Variants in TBXAS1 observed in about 807,000 individuals in gnomAD.
TBXAS1 encodes the protein thromboxane A synthase 1.
A neutral mutation model predicts 60.7 loss-of-function variants in TBXAS1; 48 were observed. That is an observed-to-expected ratio of 0.79 (90% confidence interval 0.63 to 1.01). The LOEUF (loss-of-function observed/expected upper bound fraction) is 1.01. Ranked by LOEUF, TBXAS1 falls within the 50% of genes least tolerant of loss-of-function variation. TBXAS1 has a pLI of 0.00. For missense variants in TBXAS1, 685 were observed against 686.3 expected (o/e 1.00, Z 0.02); for synonymous variants, 287 against 269.7 (o/e 1.06, Z -0.63).
chr7:139,821,213 A>G lies in TBXAS1; in HGVS notation c.-79-8099A>G, dbSNP rs531166128. ...AAGGTACAATTTACTGAGACGGGGG[A>G]GATGGGATGAGGTTAATGGAGAAAG... On this transcript the variant is annotated intron_variant, in intron 4 of 16. Coordinates refer to the TBXAS1 transcript ENST00000336425. Among the ~76,000 whole-genome samples, 298 of 152,024 alleles carry G rather than the reference A, an allele frequency of 2.0e-3. 1 individual carries two copies. Among genetic ancestry groups the G allele is most frequent in the South Asian group, 0.011 (55 of 4,808 alleles).
chr7:139,970,264 G>A (rs1389588858), intron 9 of TBXAS1, among the ~76,000 whole-genome samples: 1 of 152,188 alleles, frequency 6.6e-6, no homozygotes, highest in African/African-American at 2.4e-5. Flanking sequence ...ACGCCACCAT[G>A]CCCAGCTAAT....
chr7:139,790,139 G>A (rs1390795462), intron 4 of TBXAS1, among the ~76,000 whole-genome samples: 2 of 151,990 alleles, frequency 1.3e-5, no homozygotes, highest in Admixed American at 6.6e-5. Context: ...TTTATCACAC[G>A]TACCTGTGAC....
intron 4 of TBXAS1, among the ~76,000 whole-genome samples, chr7:139,789,821 C>T (rs952447580): frequency 1.3e-4 from 19 of 151,560 alleles, no homozygotes; most frequent in South Asian, 2.1e-4. Context: ...ACTAGGGATG[C>T]GGTTTTGCCA....
chr7:139,983,011 T>C (rs1343445456), intron 9 of TBXAS1, among the ~76,000 whole-genome samples: 1 of 152,226 alleles, frequency 6.6e-6, no homozygotes, highest in East Asian at 1.9e-4. Flanking sequence ...GGATCCACAT[T>C]TACTTGTTTT....
intron 9 of TBXAS1, among the ~76,000 whole-genome samples, chr7:139,976,150 C>T (rs1569521490): frequency 6.6e-6 from 1 of 152,212 alleles, no homozygotes; most frequent in Non-Finnish European, 1.5e-5. Context: ...TGATTGCCCC[C>T]GGCCTCCCCT....
chr7:139,854,589 C>G (rs74435536), intron 1 of TBXAS1, among the ~76,000 whole-genome samples: 1 of 152,086 alleles, frequency 6.6e-6, no homozygotes, highest in South Asian at 2.1e-4. Context: ...GGAGAGACGA[C>G]GACCTGATAT....
At chr7:139,867,823 AAAT>A (rs1414234768) in intron 1 of TBXAS1, among the ~76,000 whole-genome samples, 1 of 139,860 alleles carries the variant, frequency 7.2e-6, no homozygotes, top group African/African-American at 2.8e-5. Flanking sequence ...CCTCGAAAAT[AAAT>A]AATAAATAAA....
At chr7:139,893,325 G>GACAC (rs71170920) in intron 3 of TBXAS1, among the ~76,000 whole-genome samples, 14,247 of 139,758 alleles carry the variant, frequency 0.1, 764 homozygotes, top group African/African-American at 0.15. Context: ...CTATGGAATA[G>GACAC]ACACACACAC....
chr7:139,914,874 C>G (rs967920552), intron 4 of TBXAS1, among the ~76,000 whole-genome samples: 3 of 152,170 alleles, frequency 2.0e-5, no homozygotes, highest in Admixed American at 2.0e-4. Flanking sequence ...AACCCCATGA[C>G]ATAAACACAT....
At chr7:139,988,057 C>T (rs1433745184) in intron 9 of TBXAS1, among the ~76,000 whole-genome samples, 1 of 152,250 alleles carries the variant, frequency 6.6e-6, no homozygotes, top group African/African-American at 2.4e-5. Flanking sequence ...GCAGACATTG[C>T]AGTCCAGCCC....
chr7:140,014,601 C>G (rs561055140), intron 10 of TBXAS1, among the ~76,000 whole-genome samples: 13 of 152,088 alleles, frequency 8.5e-5, no homozygotes, highest in Admixed American at 3.9e-4. Flanking sequence ...GACACACACA[C>G]AGAGAATGGT....
chr7:139,987,669 G>GT (rs1253055960), intron 9 of TBXAS1, among the ~76,000 whole-genome samples: 1 of 152,182 alleles, frequency 6.6e-6, no homozygotes, highest in Non-Finnish European at 1.5e-5. Context: ...GATAAATCAT[G>GT]TTTAATTCTA....
At chr7:139,795,403 T>G (rs1585517060) in intron 4 of TBXAS1, among the ~76,000 whole-genome samples, 3 of 84,854 alleles carry the variant, frequency 3.5e-5, no homozygotes, top group East Asian at 6.5e-4. Flanking sequence ...TCATTGTAGA[T>G]TCTGGATATT....
At chr7:139,941,214 A>C (rs556055482) in intron 5 of TBXAS1, among the ~76,000 whole-genome samples, 1 of 152,354 alleles carries the variant, frequency 6.6e-6, no homozygotes, top group South Asian at 2.1e-4. Context: ...TTGAAATAAA[A>C]GTTTGTTTCC....
At chr7:139,949,108 G>A (rs1041860823) in intron 5 of TBXAS1, among the ~76,000 whole-genome samples, 8 of 152,174 alleles carry the variant, frequency 5.3e-5, no homozygotes, top group African/African-American at 1.4e-4. Context: ...TCAAAAGCAC[G>A]TAGAAGACCC....
intron 9 of TBXAS1, among the ~76,000 whole-genome samples, chr7:139,983,043 T>G (rs547212768): frequency 1.3e-5 from 2 of 152,382 alleles, no homozygotes; most frequent in South Asian, 4.1e-4. Flanking sequence ...TTATATTACT[T>G]GTATACTATT....
intron 3 of TBXAS1, among the ~76,000 whole-genome samples, chr7:139,786,243 A>G (rs1797191932): frequency 6.6e-6 from 1 of 151,728 alleles, no homozygotes; most frequent in African/African-American, 2.4e-5. Context: ...TGTCTGCCTC[A>G]TCAGTAGAAA....
intron 5 of TBXAS1, among the ~76,000 whole-genome samples, chr7:139,948,382 T>C (rs551167106): frequency 8.3e-4 from 126 of 152,182 alleles, no homozygotes; most frequent in Non-Finnish European, 1.6e-3. Context: ...CAGGGCCCCA[T>C]CCTTGTGACT....
intron 10 of TBXAS1, among the ~76,000 whole-genome samples, chr7:140,011,343 G>A (rs117456497): frequency 1.9e-4 from 28 of 148,554 alleles, no homozygotes; most frequent in African/African-American, 2.5e-4. Context: ...AAAAAAAAAA[G>A]AAAAAAAAGG....
Sources: gnomAD v4.1 joint callset for allele counts (sites outside exome capture counted in the v4.1 genomes callset) on GRCh38, gnomAD v4.1.1 for gene constraint, MANE v1.5 for transcripts, NCBI Gene and HGNC (gene_info 2026-07-23, HGNC 2026-07-21) for gene names.